The following FTSJ3 variants were observed in gnomAD, a reference collection of about 807,000 sequenced individuals.
FTSJ3 encodes pre-rRNA 2'-O-ribose RNA methyltransferase FTSJ3.
A neutral mutation model predicts 111.5 loss-of-function variants in FTSJ3; 46 were observed. The ratio of observed to expected loss-of-function variants is 0.41; its 90% confidence interval spans 0.33 to 0.53. FTSJ3 has a LOEUF of 0.53. Among genes scored for constraint, FTSJ3 ranks in the 20% least tolerant of loss-of-function variants. The pLI is 0.19. For missense variants in FTSJ3, 1,075 were observed against 1,063.8 expected, an observed-to-expected ratio of 1.01 and a Z score of -0.15; for synonymous variants, 408 against 383.0, an observed-to-expected ratio of 1.07 and a Z score of -0.76.
At position 63,819,996 on chromosome 17, in the gene FTSJ3, TAC is replaced by T. The variant is rs775762608; in HGVS notation, c.2352-4_2352-3del. 6.2e-7 allele frequency: 1 copy of T among 1,614,088 alleles called. No individual in the cohort carries two copies. The highest frequency in any genetic ancestry group is 8.5e-7 in the Non-Finnish European group (1 of 1,179,976). ...CCAAGCCCAGCCTTCTTGTAGAGAC[TAC>T]AGGGGGGAAGAGAAGAGGTTAGAGG... is the stretch of plus-strand genomic sequence containing the variant. On this transcript the variant is annotated splice_polypyrimidine_tract_variant and splice_region_variant and intron_variant, in intron 20 of 20. Coordinates refer to ENST00000427159, the MANE Select transcript of FTSJ3 (RefSeq NM_017647.4).
At position 63,819,848 on chromosome 17, in the gene FTSJ3, C is replaced by A; in HGVS notation, c.2498G>T (p.Arg833Ile). The change falls in exon 21 of 21, where the codon AGA (arginine) becomes ATA (isoleucine). Residue 833 changes from arginine (R) to isoleucine (I), a missense_variant. Physicochemically the swap from Arg to Ile is moderately conservative, Grantham distance 97. Coordinates refer to ENST00000427159, the MANE Select transcript of FTSJ3 (RefSeq NM_017647.4). ...CTTTTGTTCCTTACGTTGCTGTGCT[C>A]TTTGGTCCTTCTTCATCCTTGAGTC... ...VVDSRMKKDQ[R>I]AQQRKEQKKK... The A allele has an allele frequency of 6.2e-7, 1 of 1,614,154 alleles. No individual in the cohort carries two copies. The highest frequency in any genetic ancestry group is 1.1e-5 in the South Asian group (1 of 91,070).
intron 3 of FTSJ3, 123 bp from the exon 4 acceptor site, chr17:63,826,427 C>T: frequency 8.4e-7 from 1 of 1,187,758 alleles, no homozygotes; most frequent in Non-Finnish European, 1.3e-6. Context: ...ATTCCAAGCC[C>T]TTTCTCTGCA....
rs780313886 is a variant in FTSJ3 at position 63,820,063 on chromosome 17, G to A, written c.2351+16C>T. On this transcript the variant is annotated intron_variant, in intron 20 of 20. Coordinates refer to ENST00000427159, the MANE Select transcript of FTSJ3 (RefSeq NM_017647.4). ...CACTTTTAGCCCTGTGTACCTTTGTGGTGTCCTCCCATTACCTTCGCAGCT... is the reference window on the plus strand; with the variant it reads ...CACTTTTAGCCCTGTGTACCTTTGTAGTGTCCTCCCATTACCTTCGCAGCT... 3.1e-6 allele frequency: 5 copies of A among 1,613,768 alleles called. No individual in the cohort carries two copies. In the South Asian group the frequency reaches 5.5e-5, roughly 18 times the overall value.
Position 63,819,816 on chromosome 17 carries a change from G to A in FTSJ3, c.2530C>T (p.His844Tyr). Residue 844 changes from histidine (H) to tyrosine (Y), a missense_variant, in exon 21 of 21, where the codon CAC (histidine) becomes TAC (tyrosine). Around this residue, in one of 2 missense-constraint regions of FTSJ3, gnomAD observed 867 missense variants for 796.9 expected, o/e 1.09. Transcript: ENST00000427159. The stretch of plus-strand genomic sequence containing the variant: ...GGCAGCTCTGCTTACTTCCGTTTGT[G>A]TTTTTTCTTTTGTTCCTTACGTTGC... ...AQQRKEQKKK[H>Y]KRK 4 of 1,613,054 alleles carry A rather than the reference G, an allele frequency of 2.5e-6. No individual in the cohort carries two copies. Among genetic ancestry groups the A allele is most frequent in the Non-Finnish European group, 3.4e-6 (4 of 1,179,464 alleles).
rs774117628 is a variant in FTSJ3 at position 63,820,420 on chromosome 17, A to G, written c.2091T>C (p.Asp697=). The change falls in exon 19 of 21, where the codon GAT becomes GAC. Residue 697 remains aspartate (D), a synonymous_variant. Coordinates refer to ENST00000427159, the MANE Select transcript of FTSJ3 (RefSeq NM_017647.4). ...NSFNRYTFNE[D]EGELPEWFVQ... is the part of the protein sequence containing the mutation. ...CAAACCACTCCGGAAGCTCCCCCTC[A>G]TCCTCATTAAATGTGTACCTGAGTG... 53 of 1,613,790 alleles carry G rather than the reference A, an allele frequency of 3.3e-5. No individual in the cohort carries two copies. The highest frequency in any genetic ancestry group is 4.2e-5 in the Non-Finnish European group (50 of 1,179,964).
At position 63,825,514 on chromosome 17, in the gene FTSJ3, C is replaced by T. The variant is rs755157229; in HGVS notation, c.400+22G>A. 1.7e-5 allele frequency: 28 copies of T among 1,613,074 alleles called. No homozygotes were observed. In the East Asian group the frequency reaches 6.0e-4, roughly 35 times the overall value. ...GCCCACCTCCACCATCACCTGATCT[C>T]CAAGCACCACACTCCCTGTACCTTG... On this transcript the variant is annotated intron_variant, in intron 6 of 20. Transcript: ENST00000427159.
Position 63,827,274 on chromosome 17 carries a change from A to G in FTSJ3, c.-249T>C, listed in dbSNP as rs1030807333. ...ATAAACAGAGTTTCAATGAGGCAAC[A>G]CTGAGGAGGAGTTCTACTCCTTCCT... On this transcript the variant is annotated 5_prime_UTR_variant, in exon 1 of 21. Transcript: ENST00000427159. 3.2e-6 allele frequency: 2 copies of G among 624,642 alleles called. No homozygotes were observed. Among genetic ancestry groups the G allele is most frequent in the Non-Finnish European group, 5.6e-6 (2 of 355,832 alleles). 38.7% of individuals were successfully genotyped at this position (624,642 alleles called of 1,614,324 possible).
At chr17:63,825,484 C>T in intron 6 of FTSJ3, 48 bp from the exon 7 acceptor site, 3 of 1,611,600 alleles carry the variant, frequency 1.9e-6, no homozygotes, top group Non-Finnish European at 2.5e-6. Flanking sequence ...CCCAGGAGGG[C>T]ATGCGCCCAC....
Position 63,827,057 on chromosome 17 carries a change from C to G in FTSJ3, c.-32G>C. On this transcript the variant is annotated 5_prime_UTR_variant, in exon 1 of 21. Transcript: ENST00000427159. ...CGCCCCTCTCCGCACACTACCTAGA[C>G]CCAGAGCCGCTTTCTCCACACTTGG... 1.4e-6 allele frequency: 1 copy of G among 707,224 alleles called. No homozygotes were observed. The highest frequency in any genetic ancestry group is 2.5e-6 in the Non-Finnish European group (1 of 407,908). The allele number at this position is 707,224 out of a possible 1,614,324, so 43.8% of individuals were successfully genotyped here.
rs760342757 is a variant in FTSJ3, at chr17:63,826,947, T to C, written c.-26-19A>G. The C allele has an allele frequency of 1.3e-5, 19 of 1,519,702 alleles. No individual in the cohort carries two copies. Among genetic ancestry groups the C allele is most frequent in the Non-Finnish European group, 1.5e-5 (16 of 1,094,302 alleles). 94.1% of individuals were successfully genotyped at this position (1,519,702 alleles called of 1,614,324 possible). On this transcript the variant is annotated intron_variant, in intron 1 of 20. Coordinates refer to ENST00000427159, the MANE Select transcript of FTSJ3 (RefSeq NM_017647.4). ...CCTCAATCTGGGGAGAAAGTAGAAG[T>C]TGGGAACGTCTCTTTCCGGAGCACC...
rs759834625 is a variant in FTSJ3 at position 63,826,621 on chromosome 17, T to C, written c.119A>G (p.Gln40Arg). 6.2e-7 allele frequency: 1 copy of C among 1,614,094 alleles called. No individual in the cohort carries two copies. Among genetic ancestry groups the C allele is most frequent in the African/African-American group, 1.3e-5 (1 of 75,016 alleles). ...FKLIQLNRRF[Q>R]FLQKARALLD... ...CAAGGCTCGGGCTTTCTGCAGGAAC[T>C]GAAAGCGGCGATTGAGCTGGATCAG... The change falls in exon 3 of 21, where the codon CAG becomes CGG. Residue 40 changes from glutamine to arginine, a missense_variant. Around this residue, in one of 2 missense-constraint regions of FTSJ3, gnomAD observed 208 missense variants for 266.9 expected, o/e 0.78. Transcript: ENST00000427159.
rs1195838350 is a variant in FTSJ3, at chr17:63,826,607, C to G, written c.133G>C (p.Ala45Pro). The change falls in exon 3 of 21, where the codon GCC (alanine) becomes CCC (proline). Residue 45 changes from alanine to proline, a missense_variant. Ala to Pro is a conservative substitution (Grantham distance 27). Coordinates refer to ENST00000427159, the MANE Select transcript of FTSJ3 (RefSeq NM_017647.4). ...LNRRFQFLQK[A>P]RALLDLCAAP... is the part of the protein sequence containing the mutation. ...GCACACAGGTCCAGCAAGGCTCGGG[C>G]TTTCTGCAGGAACTGAAAGCGGCGA... is the stretch of plus-strand genomic sequence containing the variant. The G allele has an allele frequency of 6.2e-7, 1 of 1,613,996 alleles. No individual in the cohort carries two copies. Among genetic ancestry groups the G allele is most frequent in the Non-Finnish European group, 8.5e-7 (1 of 1,180,014 alleles).
intron 3 of FTSJ3, 60 bp from the exon 4 acceptor site, chr17:63,826,364 GATCTCTC>G: frequency 1.3e-6 from 2 of 1,505,392 alleles, no homozygotes; most frequent in Non-Finnish European, 1.8e-6. Context: ...CTTGGCAACT[GATCTCTC>G]ATCCCTGGTG....
chr17:63,823,011 G>C (rs2040064781), intron 13 of FTSJ3, among the ~76,000 whole-genome samples: 1 of 152,158 alleles, frequency 6.6e-6, no homozygotes, highest in Non-Finnish European at 1.5e-5. Context: ...GTCTGCTCTA[G>C]GGCCACCATG....
At chr17:63,824,517 A>C in intron 10 of FTSJ3, 106 bp from the exon 11 acceptor site, 1 of 1,458,772 alleles carries the variant, frequency 6.9e-7, no homozygotes, top group South Asian at 1.1e-5. Flanking sequence ...ACATAAATCA[A>C]AAGGCTCAGG....
chr17:63,826,911 G>A lies in FTSJ3; in HGVS notation c.-9C>T, dbSNP rs1479383489. Reference sequence around the variant, plus strand: ...TTGCCCTTCTTGCCCATGGTGGAAAGGGGGAGTATCCCTCAATCTGGGGAG... The same window carrying A: ...TTGCCCTTCTTGCCCATGGTGGAAAAGGGGAGTATCCCTCAATCTGGGGAG... On this transcript the variant is annotated 5_prime_UTR_variant, in exon 2 of 21. Coordinates refer to ENST00000427159, the MANE Select transcript of FTSJ3 (RefSeq NM_017647.4). 3.1e-6 allele frequency: 5 copies of A among 1,612,204 alleles called. No individual in the cohort carries two copies. In the East Asian group the frequency reaches 1.1e-4, roughly 36 times the overall value.
Position 63,822,094 on chromosome 17 carries a change from G to T in FTSJ3, c.1365C>A (p.Ile455=), listed in dbSNP as rs1393174382. 6.2e-7 allele frequency: 1 copy of T among 1,614,050 alleles called. No individual in the cohort carries two copies. Among genetic ancestry groups the T allele is most frequent in the Non-Finnish European group, 8.5e-7 (1 of 1,179,998 alleles). Residue 455 remains isoleucine, a synonymous_variant, in exon 14 of 21, where the codon ATC becomes ATA. Transcript: ENST00000427159. ...CGTCGTCCTCAACATCTGACACATA[G>T]ATATCATCCCTTGGCAGATCGGACA... ...TFLSDLPRDD[I]YVSDVEDDGD...
chr17:63,826,594 A>G lies in FTSJ3; in HGVS notation c.146T>C (p.Leu49Pro). The G allele has an allele frequency of 6.2e-7, 1 of 1,614,102 alleles. No individual in the cohort carries two copies. The highest frequency in any genetic ancestry group is 8.5e-7 in the Non-Finnish European group (1 of 1,179,948). ...FQFLQKARALLDLCAAPGGWL... is the reference protein window; with the variant it reads ...FQFLQKARALPDLCAAPGGWL... ...TCCCCCTGGCGCAGCACACAGGTCC[A>G]GCAAGGCTCGGGCTTTCTGCAGGAA... The change falls in exon 3 of 21, where the codon CTG becomes CCG. Residue 49 changes from leucine to proline, a missense_variant. By Grantham distance (98) the Leu-to-Pro change is moderately conservative (BLOSUM62 -3). Coordinates refer to ENST00000427159, the MANE Select transcript of FTSJ3 (RefSeq NM_017647.4).
Position 63,826,869 on chromosome 17 carries a change from G to T in FTSJ3, c.34C>A (p.Arg12=), listed in dbSNP as rs1567755272. 1 of 1,613,986 alleles carries T rather than the reference G, an allele frequency of 6.2e-7. No homozygotes were observed. The highest frequency in any genetic ancestry group is 8.5e-7 in the Non-Finnish European group (1 of 1,180,018). The change falls in exon 2 of 21, where the codon CGA becomes AGA. Residue 12 remains arginine, a synonymous_variant. Coordinates refer to ENST00000427159, the MANE Select transcript of FTSJ3 (RefSeq NM_017647.4). ...TTCGCCAAGTGATAAAACTTGTCTC[G>T]TCGGCTCTTGCCAACTTTGCCCTTC... The part of the protein sequence containing the change: ...GKKGKVGKSR[R]DKFYHLAKET...
Sources: allele counts gnomAD v4.1 joint callset (sites outside exome capture counted in the v4.1 genomes callset), GRCh38; gene constraint gnomAD v4.1.1; regional missense constraint gnomAD v4.1.1; transcripts MANE v1.5; gene names NCBI Gene and HGNC (gene_info 2026-07-23, HGNC 2026-07-21).